The following COL19A1 variants were observed in gnomAD, a reference collection of about 807,000 sequenced individuals.
COL19A1 encodes the protein collagen type XIX alpha 1 chain.
Under a neutral mutation model 190.2 loss-of-function variants are expected in COL19A1, and 159 were observed. The observed-to-expected ratio is 0.84, with a 90% CI of 0.73 to 0.95. The LOEUF (loss-of-function observed/expected upper bound fraction) is 0.95. COL19A1 is among the 40% of genes least tolerant of loss of function. The probability of loss-of-function intolerance (pLI) is 0.00; values close to 1 mark genes in which losing one functional copy is unlikely to be tolerated. For synonymous variants in COL19A1, 509 were observed against 458.9 expected (o/e 1.11, Z -1.39); for missense variants, 1,418 against 1,431.9 (o/e 0.99, Z 0.16).
rs1452483725 is a variant in COL19A1, at chr6:70,176,895, G to A, written c.2667+331G>A. On this transcript the variant is annotated intron_variant, in intron 42 of 50. Transcript: ENST00000620364. The stretch of plus-strand genomic sequence containing the variant: ...TTCTCTATTCTTGTCATATTTCAAG[G>A]TTTCTCAGTCTTCAAAAGACAGAGT... 4.6e-5 allele frequency among the ~76,000 whole-genome samples: 7 copies of A among 152,098 alleles called. No individual in the cohort carries two copies. In the East Asian group the frequency reaches 7.7e-4, roughly 17 times the overall value.
At chr6:70,017,543 A>G (rs971798616) in intron 11 of COL19A1, among the ~76,000 whole-genome samples, 8 of 152,162 alleles carry the variant, frequency 5.3e-5, no homozygotes, top group African/African-American at 1.9e-4. Context: ...GGAAGTAGGA[A>G]CATGAGACTC....
chr6:70,185,378 C>G (rs1445882161), intron 46 of COL19A1, among the ~76,000 whole-genome samples: 1 of 152,010 alleles, frequency 6.6e-6, no homozygotes, highest in Non-Finnish European at 1.5e-5. Context: ...TTGTGACAAC[C>G]AAAAGTGTCT....
At chr6:69,901,758 A>G (rs1383090507) in intron 4 of COL19A1, among the ~76,000 whole-genome samples, 1 of 152,232 alleles carries the variant, frequency 6.6e-6, no homozygotes, top group Non-Finnish European at 1.5e-5. Flanking sequence ...TTAAAAATTA[A>G]GATGCATTTT....
intron 11 of COL19A1, among the ~76,000 whole-genome samples, chr6:69,981,662 TA>T (rs925715782): frequency 2.6e-5 from 4 of 151,718 alleles, no homozygotes; most frequent in Admixed American, 2.0e-4. Flanking sequence ...TCTTCATATT[TA>T]AAAAAACATT....
intron 1 of COL19A1, among the ~76,000 whole-genome samples, chr6:69,874,280 A>T (rs1239259107): frequency 6.6e-6 from 1 of 152,224 alleles, no homozygotes; most frequent in African/African-American, 2.4e-5. Context: ...GTTGAGGTCA[A>T]CCTACCGGTG....
chr6:70,149,596 C>A (rs1786899843), intron 27 of COL19A1, 108 bp from the exon 28 acceptor site: 4 of 1,415,652 alleles, frequency 2.8e-6, no homozygotes, highest in Non-Finnish European at 3.9e-6. Flanking sequence ...CGGTGGCAAA[C>A]CCTGTTGTTC....
At chr6:69,980,396 T>A (rs965046391) in intron 11 of COL19A1, among the ~76,000 whole-genome samples, 5 of 152,000 alleles carry the variant, frequency 3.3e-5, no homozygotes, top group African/African-American at 1.2e-4. Context: ...ATACCCTATA[T>A]AAAAATAAAT....
intron 15 of COL19A1, among the ~76,000 whole-genome samples, chr6:70,081,217 T>C (rs1782227974): frequency 6.6e-6 from 1 of 152,194 alleles, no homozygotes; most frequent in African/African-American, 2.4e-5. Context: ...CTTTAATCTT[T>C]TATTCTTAAG....
chr6:69,960,156 A>T (rs547960028), intron 10 of COL19A1, 116 bp downstream of exon 10: 1 of 1,004,992 alleles, frequency 1.0e-6, no homozygotes, highest in African/African-American at 1.6e-5. Flanking sequence ...AAAGACTTTT[A>T]GAAAGCTATG....
intron 19 of COL19A1, 53 bp downstream of exon 19, chr6:70,137,800 A>C (rs1785963222): frequency 4.5e-6 from 7 of 1,570,020 alleles, no homozygotes; most frequent in Admixed American, 1.7e-5. Context: ...AACGGGATTA[A>C]AAATACGTTT....
intron 17 of COL19A1, among the ~76,000 whole-genome samples, chr6:70,126,143 T>G (rs1262413190): frequency 7.1e-6 from 1 of 140,204 alleles, no homozygotes. Context: ...TTTCTCCAAA[T>G]TATTGATCCA....
At chr6:70,002,244 A>T (rs1777309916) in intron 11 of COL19A1, among the ~76,000 whole-genome samples, 1 of 152,022 alleles carries the variant, frequency 6.6e-6, no homozygotes, top group African/African-American at 2.4e-5. Flanking sequence ...ACGTTTTTTG[A>T]TGTGCTGCTG....
chr6:69,869,561 A>C (rs1460490454), intron 1 of COL19A1, among the ~76,000 whole-genome samples: 1 of 152,140 alleles, frequency 6.6e-6, no homozygotes, highest in Non-Finnish European at 1.5e-5. Context: ...ATTGAAAAAA[A>C]ATGGGAAAAA....
chr6:69,933,793 T>G (rs376297462), intron 7 of COL19A1, among the ~76,000 whole-genome samples: 7 of 152,156 alleles, frequency 4.6e-5, no homozygotes, highest in African/African-American at 1.7e-4. Flanking sequence ...TTGATAAACT[T>G]TTTTATTCCT....
chr6:69,959,050 C>A (rs1263225884), intron 9 of COL19A1, among the ~76,000 whole-genome samples: 3 of 152,036 alleles, frequency 2.0e-5, no homozygotes, highest in Non-Finnish European at 4.4e-5. Flanking sequence ...ACTCAGAAGC[C>A]AAAGTAAATT....
intron 4 of COL19A1, among the ~76,000 whole-genome samples, chr6:69,911,550 A>C (rs1770917055): frequency 6.6e-6 from 1 of 152,246 alleles, no homozygotes; most frequent in Non-Finnish European, 1.5e-5. Flanking sequence ...TGGTGATGCC[A>C]TGCAGAATTA....
chr6:70,158,798 T>C (rs1787598024), intron 34 of COL19A1, among the ~76,000 whole-genome samples: 1 of 152,124 alleles, frequency 6.6e-6, no homozygotes, highest in Non-Finnish European at 1.5e-5. Flanking sequence ...ATAGCTCCAA[T>C]GGTCTCCAAA....
intron 27 of COL19A1, among the ~76,000 whole-genome samples, chr6:70,147,191 T>G (rs1289242830): frequency 6.6e-6 from 1 of 152,140 alleles, no homozygotes; most frequent in African/African-American, 2.4e-5. Flanking sequence ...TGTAAGATAG[T>G]AAGAATGCCT....
intron 14 of COL19A1, among the ~76,000 whole-genome samples, chr6:70,042,686 C>T (rs1218429634): frequency 6.6e-6 from 1 of 152,176 alleles, no homozygotes; most frequent in Non-Finnish European, 1.5e-5. Context: ...TGTTTAGTAG[C>T]ATTTTACCCA....
Sources: allele counts gnomAD v4.1 joint callset (sites outside exome capture counted in the v4.1 genomes callset), GRCh38; gene constraint gnomAD v4.1.1; transcripts MANE v1.5; gene names NCBI Gene and HGNC (gene_info 2026-07-23, HGNC 2026-07-21).